SEZ6L: variants seen among roughly 807,000 people sequenced by gnomAD.
SEZ6L encodes the protein seizure 6-like protein.
SEZ6L carries 37 observed loss-of-function variants against 106.2 expected under a neutral mutation model. That is an observed-to-expected ratio of 0.35 (90% CI 0.27 to 0.46). The LOEUF (loss-of-function observed/expected upper bound fraction) is 0.46. Ranked by LOEUF, SEZ6L falls within the 20% of genes least tolerant of loss-of-function variation. SEZ6L has a pLI of 1.00. For missense variants in SEZ6L, 1,172 were observed against 1,332.8 expected, an observed-to-expected ratio of 0.88 and a Z score of 1.88; for synonymous variants, 541 against 570.4, an observed-to-expected ratio of 0.95 and a Z score of 0.73.
intron 1 of SEZ6L, among the ~76,000 whole-genome samples, chr22:26,194,556 AT>A (rs1940457070): frequency 6.6e-6 from 1 of 152,206 alleles, no homozygotes. Flanking sequence ...AGCTGATGAC[AT>A]TTTGGAATCA....
chr22:26,339,300 T>C (rs1299574064), intron 9 of SEZ6L, among the ~76,000 whole-genome samples: 1 of 151,634 alleles, frequency 6.6e-6, no homozygotes, highest in Non-Finnish European at 1.5e-5. Flanking sequence ...GAGAAAGACA[T>C]GAGAGAGAAA....
intron 1 of SEZ6L, among the ~76,000 whole-genome samples, chr22:26,215,879 T>C (rs1419524769): frequency 6.6e-6 from 1 of 152,202 alleles, no homozygotes; most frequent in Non-Finnish European, 1.5e-5. Context: ...CTGAGCCTTA[T>C]CTACAGAGCA....
intron 1 of SEZ6L, among the ~76,000 whole-genome samples, chr22:26,261,120 A>G (rs1474318877): frequency 6.6e-6 from 1 of 152,036 alleles, no homozygotes; most frequent in African/African-American, 2.4e-5. Flanking sequence ...TTCATTGTAG[A>G]TTATGGATAT....
At chr22:26,380,226 A>G (rs1401712512) in intron 16 of SEZ6L, 40 bp from the exon 17 acceptor site, 1 of 1,609,294 alleles carries the variant, frequency 6.2e-7, no homozygotes, top group South Asian at 1.1e-5. Flanking sequence ...TCACTCTACC[A>G]CACAAGCGTT....
At chr22:26,215,247 T>A (rs146371928) in intron 1 of SEZ6L, among the ~76,000 whole-genome samples, 1 of 152,232 alleles carries the variant, frequency 6.6e-6, no homozygotes, top group Non-Finnish European at 1.5e-5. Context: ...AAATTTTAGG[T>A]TCACTAGGTA....
At chr22:26,179,134 A>G (rs1939218159) in intron 1 of SEZ6L, among the ~76,000 whole-genome samples, 2 of 152,152 alleles carry the variant, frequency 1.3e-5, no homozygotes, top group Admixed American at 6.6e-5. Context: ...TCGTGCCTGT[A>G]ATCCCAGCAG....
At chr22:26,369,646 G>C (rs2083956673) in intron 13 of SEZ6L, among the ~76,000 whole-genome samples, 1 of 151,084 alleles carries the variant, frequency 6.6e-6, no homozygotes, top group Middle Eastern at 3.2e-3. Context: ...GCCGTAAGCA[G>C]TTCCTAATAA....
intron 5 of SEZ6L, among the ~76,000 whole-genome samples, chr22:26,300,352 T>A (rs909493198): frequency 4.6e-5 from 7 of 152,068 alleles, no homozygotes; most frequent in African/African-American, 1.4e-4. Flanking sequence ...CCCCTTCCTG[T>A]GTCCATGTGT....
At chr22:26,284,946 T>C (rs2080889049) in intron 1 of SEZ6L, among the ~76,000 whole-genome samples, 1 of 152,078 alleles carries the variant, frequency 6.6e-6, no homozygotes, top group Non-Finnish European at 1.5e-5. Flanking sequence ...AAACAAAATG[T>C]CAACTTTACA....
chr22:26,360,661 A>G (rs914931791), intron 12 of SEZ6L, among the ~76,000 whole-genome samples: 8 of 152,216 alleles, frequency 5.3e-5, no homozygotes, highest in African/African-American at 1.9e-4. Flanking sequence ...AACGTCATCA[A>G]GAAAAAGCCT....
intron 1 of SEZ6L, chr22:26,242,650 T>C (rs1207053642): frequency 6.6e-6 from 1 of 152,254 alleles, no homozygotes; most frequent in African/African-American, 2.4e-5. Flanking sequence ...GAAGAGGAGA[T>C]GCTGGGGCCT....
At chr22:26,339,132 C>T (rs534101753) in intron 9 of SEZ6L, among the ~76,000 whole-genome samples, 4 of 152,118 alleles carry the variant, frequency 2.6e-5, no homozygotes, top group East Asian at 1.9e-4. Flanking sequence ...CTTTCTCTGT[C>T]CTTACTTTGG....
chr22:26,194,437 G>T (rs773430367), intron 1 of SEZ6L, among the ~76,000 whole-genome samples: 40 of 152,308 alleles, frequency 2.6e-4, no homozygotes, highest in South Asian at 2.1e-4. Context: ...TGTGCATGGA[G>T]TGCTATCCTT....
chr22:26,316,818 T>A, intron 9 of SEZ6L, among the ~76,000 whole-genome samples: 2 of 123,772 alleles, frequency 1.6e-5, no homozygotes, highest in African/African-American at 3.2e-5. Flanking sequence ...GGTGACAGAG[T>A]GAGACTCTGA....
chr22:26,198,831 A>G (rs986348467), intron 1 of SEZ6L, among the ~76,000 whole-genome samples: 1 of 152,042 alleles, frequency 6.6e-6, no homozygotes, highest in African/African-American at 2.4e-5. Flanking sequence ...AGACATTCCC[A>G]CCTCCTCCTG....
chr22:26,299,702 A>G (rs2145899343), intron 5 of SEZ6L, among the ~76,000 whole-genome samples: 1 of 152,278 alleles, frequency 6.6e-6, no homozygotes, highest in African/African-American at 2.4e-5. Flanking sequence ...TGGATGTCCC[A>G]CATTTTGTTG....
At chr22:26,320,103 GAGGTCTCCCCA>G (rs1203500996) in intron 9 of SEZ6L, among the ~76,000 whole-genome samples, 17 of 152,138 alleles carry the variant, frequency 1.1e-4, no homozygotes, top group Admixed American at 1.0e-3. Context: ...ATAGAAGTAG[GAGGTCTCCCCA>G]AGAGAATATT....
chr22:26,195,862 G>T (rs1465569886), intron 1 of SEZ6L, among the ~76,000 whole-genome samples: 2 of 151,962 alleles, frequency 1.3e-5, no homozygotes, highest in Non-Finnish European at 2.9e-5. Context: ...CATCAATCAG[G>T]GTGCTGAGAT....
chr22:26,225,476 T>C (rs2078608806), intron 1 of SEZ6L, among the ~76,000 whole-genome samples: 1 of 152,050 alleles, frequency 6.6e-6, no homozygotes, highest in African/African-American at 2.4e-5. Flanking sequence ...AAGGACAAGC[T>C]GAACACATAG....
Sources: gnomAD v4.1 joint callset for allele counts (sites outside exome capture counted in the v4.1 genomes callset) on GRCh38, gnomAD v4.1.1 for gene constraint, MANE v1.5 for transcripts, NCBI Gene and HGNC (gene_info 2026-07-23, HGNC 2026-07-21) for gene names.